FBXO11: variants seen among roughly 807,000 people sequenced by gnomAD.
FBXO11 encodes F-box only protein 11.
A neutral mutation model predicts 117.0 loss-of-function variants in FBXO11; 13 were observed. The observed-to-expected ratio is 0.11, with a 90% CI of 0.07 to 0.18. The LOEUF (loss-of-function observed/expected upper bound fraction) is 0.18. FBXO11 is among the 10% of genes least tolerant of loss of function. The pLI is 1.00. For synonymous variants in FBXO11, 490 were observed against 380.5 expected (o/e 1.29, Z -3.35); for missense variants, 767 against 1,164.4 (o/e 0.66, Z 4.97).
chr2:47,815,838 T>G (rs747119401), intron 16 of FBXO11, among the ~76,000 whole-genome samples: 4 of 152,142 alleles, frequency 2.6e-5, no homozygotes, highest in Non-Finnish European at 4.4e-5. Context: ...GCTCACAATA[T>G]CTGATCCTCC....
At chr2:47,900,790 GTATA>G (rs1402592837) in intron 1 of FBXO11, among the ~76,000 whole-genome samples, 1 of 68,922 alleles carries the variant, frequency 1.5e-5, no homozygotes, top group Non-Finnish European at 3.1e-5. Flanking sequence ...ACACACACGT[GTATA>G]TATATACACG....
At chr2:47,846,278 G>C (rs1486414611) in intron 1 of FBXO11, among the ~76,000 whole-genome samples, 1 of 152,114 alleles carries the variant, frequency 6.6e-6, no homozygotes, top group Non-Finnish European at 1.5e-5. Context: ...GACCAGCCTG[G>C]CCAACATGGA....
chr2:47,830,015 A>G (rs77000664), intron 11 of FBXO11, among the ~76,000 whole-genome samples: 20,421 of 152,228 alleles, frequency 0.13, 1,596 homozygotes, highest in Non-Finnish European at 0.18. Flanking sequence ...CCACGGAGAC[A>G]TGGTAAGGAA....
In FBXO11 at chr2:47,849,483, A is replaced by T. The variant is rs560485486; in HGVS notation, c.233-9714T>A. ...ATGTGCATTTTCGTTACTTAGTAAC[A>T]ATCTTCAAAAGCCAAATCTTGCCAT... On this transcript the variant is annotated intron_variant, in intron 1 of 22. Coordinates refer to ENST00000403359, the MANE Select transcript of FBXO11 (RefSeq NM_001190274.2). Among the ~76,000 whole-genome samples, 3 of 152,366 alleles carry T rather than the reference A, an allele frequency of 2.0e-5. No homozygotes were observed. The East Asian group carries it at 5.8e-4, about 29-fold the overall frequency.
At chr2:47,866,231 G>C (rs1194125141) in intron 1 of FBXO11, among the ~76,000 whole-genome samples, 9 of 115,908 alleles carry the variant, frequency 7.8e-5, no homozygotes, top group South Asian at 5.4e-4. Context: ...GGACAAGTCA[G>C]ACCCCTTCTG....
intron 1 of FBXO11, among the ~76,000 whole-genome samples, chr2:47,854,111 A>G (rs1025222452): frequency 6.6e-5 from 10 of 152,262 alleles, no homozygotes; most frequent in African/African-American, 2.2e-4. Context: ...TTTCCGAACT[A>G]TAAAAGTATG....
At chr2:47,839,815 A>G (rs1441481603) in intron 1 of FBXO11, 46 bp from the exon 2 acceptor site, 7 of 1,562,146 alleles carry the variant, frequency 4.5e-6, no homozygotes, top group Non-Finnish European at 6.1e-6. Flanking sequence ...CTTTTTAAAA[A>G]AAGTTCTATG....
intron 4 of FBXO11, 129 bp downstream of exon 4, chr2:47,838,730 G>C (rs747490885): frequency 2.7e-6 from 2 of 745,010 alleles, no homozygotes; most frequent in Non-Finnish European, 4.3e-6. Flanking sequence ...ACTTGGAATT[G>C]ATAAGCATTT....
chr2:47,879,628 G>A (rs924945500), intron 1 of FBXO11, among the ~76,000 whole-genome samples: 1 of 152,162 alleles, frequency 6.6e-6, no homozygotes, highest in Admixed American at 6.5e-5. Context: ...AGTACTTACT[G>A]CATGTATATC....
chr2:47,853,856 C>A (rs757880604), intron 1 of FBXO11, among the ~76,000 whole-genome samples: 1 of 152,142 alleles, frequency 6.6e-6, no homozygotes, highest in Non-Finnish European at 1.5e-5. Context: ...AAAAAGTTAT[C>A]CAATTTCATC....
intron 11 of FBXO11, among the ~76,000 whole-genome samples, chr2:47,827,615 G>C (rs954535223): frequency 1.3e-5 from 2 of 152,068 alleles, no homozygotes; most frequent in Non-Finnish European, 2.9e-5. Flanking sequence ...CCTGCTTCAA[G>C]ACGTATTTTA....
At chr2:47,880,446 TCA>T (rs1676353370) in intron 1 of FBXO11, among the ~76,000 whole-genome samples, 1 of 152,218 alleles carries the variant, frequency 6.6e-6, no homozygotes, top group South Asian at 2.1e-4. Flanking sequence ...TTTCATTTTT[TCA>T]GTTTTCCTGG....
Position 47,905,791 on chromosome 2 carries a change from G to C in FBXO11, c.-71C>G, listed in dbSNP as rs1344652899. 1.7e-6 allele frequency: 2 copies of C among 1,197,844 alleles called. No individual in the cohort carries two copies. Among genetic ancestry groups the C allele is most frequent in the Non-Finnish European group, 2.2e-6 (2 of 920,734 alleles). 74.2% of individuals were successfully genotyped at this position (1,197,844 alleles called of 1,614,324 possible). On this transcript the variant is annotated 5_prime_UTR_variant, in exon 1 of 23. Coordinates refer to ENST00000403359, the MANE Select transcript of FBXO11 (RefSeq NM_001190274.2). The stretch of plus-strand genomic sequence containing the variant: ...ACACGCACAGCGAGCTTCGGGGCAG[G>C]AGAAAGGGGTGGGGAGAGTGGGAGA...
At chr2:47,851,904 T>C (rs1323156341) in intron 1 of FBXO11, among the ~76,000 whole-genome samples, 2 of 152,240 alleles carry the variant, frequency 1.3e-5, no homozygotes, top group Admixed American at 1.3e-4. Context: ...AGAAACAACT[T>C]TTTTTAATAC....
intron 1 of FBXO11, among the ~76,000 whole-genome samples, chr2:47,846,483 T>A (rs530254849): frequency 2.0e-5 from 3 of 152,224 alleles, no homozygotes; most frequent in East Asian, 1.9e-4. Context: ...AATTTTTTTT[T>A]AATTTTATGG....
At chr2:47,900,998 G>C (rs189619523) in intron 1 of FBXO11, among the ~76,000 whole-genome samples, 10 of 137,836 alleles carry the variant, frequency 7.3e-5, no homozygotes, top group African/African-American at 2.6e-4. Context: ...AAATATTGCC[G>C]GTGGGGAGAT....
intron 1 of FBXO11, among the ~76,000 whole-genome samples, chr2:47,861,433 C>T (rs1674767196): frequency 6.6e-6 from 1 of 151,766 alleles, no homozygotes; most frequent in Non-Finnish European, 1.5e-5. Flanking sequence ...ATCCTTCCAC[C>T]TCAGCCTCCC....
intron 1 of FBXO11, among the ~76,000 whole-genome samples, chr2:47,880,998 T>C (rs1676386816): frequency 6.6e-6 from 1 of 152,168 alleles, no homozygotes; most frequent in Non-Finnish European, 1.5e-5. Context: ...CTCACACCTG[T>C]AATCCCAGCA....
intron 4 of FBXO11, among the ~76,000 whole-genome samples, chr2:47,838,460 T>C (rs1672762128): frequency 6.6e-6 from 1 of 152,060 alleles, no homozygotes; most frequent in Non-Finnish European, 1.5e-5. Flanking sequence ...GACCCAGTAA[T>C]TACTGGGTCA....
Sources: gnomAD v4.1 joint callset for allele counts (sites outside exome capture counted in the v4.1 genomes callset) on GRCh38, gnomAD v4.1.1 for gene constraint, MANE v1.5 for transcripts, NCBI Gene and HGNC (gene_info 2026-07-23, HGNC 2026-07-21) for gene names.